B3GALT1: variants seen among roughly 807,000 people sequenced by gnomAD.
B3GALT1 encodes UDP-Gal:betaGlcNAc beta 1,3-galactosyltransferase, polypeptide 1.
B3GALT1 carries 10 observed loss-of-function variants against 23.2 expected under a neutral mutation model. The observed-to-expected ratio is 0.43, with a 90% CI of 0.27 to 0.73. The LOEUF (loss-of-function observed/expected upper bound fraction) is 0.73, where lower values mean the gene tolerates loss of function less well. Among genes scored for constraint, B3GALT1 ranks in the 30% least tolerant of loss-of-function variants. B3GALT1 has a pLI of 0.21. For missense variants in B3GALT1, 299 were observed against 405.4 expected, an observed-to-expected ratio of 0.74 and a Z score of 2.25; for synonymous variants, 156 against 141.5, an observed-to-expected ratio of 1.10 and a Z score of -0.73.
chr2:167,417,975 G>A (rs779460033), intron 1 of B3GALT1, among the ~76,000 whole-genome samples: 3 of 152,138 alleles, frequency 2.0e-5, no homozygotes, highest in African/African-American at 4.8e-5. Context: ...TGTTTACTGC[G>A]TTGCAAAAGT....
chr2:167,866,144 T>G (rs1690213019), intron 4 of B3GALT1, among the ~76,000 whole-genome samples: 1 of 152,194 alleles, frequency 6.6e-6, no homozygotes, highest in Non-Finnish European at 1.5e-5. Flanking sequence ...TGGTTCCCCT[T>G]TAGTGAACTT....
intron 3 of B3GALT1, among the ~76,000 whole-genome samples, chr2:167,735,802 T>C (rs1388307600): frequency 1.3e-5 from 2 of 152,192 alleles, no homozygotes; most frequent in South Asian, 2.1e-4. Flanking sequence ...TTTTAAAAGA[T>C]AGAAAAATAG....
At chr2:167,771,043 G>C (rs950171768) in intron 3 of B3GALT1, among the ~76,000 whole-genome samples, 10 of 152,164 alleles carry the variant, frequency 6.6e-5, no homozygotes, top group Non-Finnish European at 1.5e-4. Flanking sequence ...CTTTTAGTCA[G>C]CTGTATATTC....
At chr2:167,453,696 C>G (rs1699123759) in intron 1 of B3GALT1, among the ~76,000 whole-genome samples, 1 of 152,178 alleles carries the variant, frequency 6.6e-6, no homozygotes, top group Non-Finnish European at 1.5e-5. Flanking sequence ...TTAAGGGACT[C>G]TATTTTAAGA....
intron 3 of B3GALT1, among the ~76,000 whole-genome samples, chr2:167,761,413 G>A (rs1411025999): frequency 2.6e-5 from 4 of 152,164 alleles, no homozygotes; most frequent in African/African-American, 9.7e-5. Flanking sequence ...TAGGGAGCAT[G>A]CATTCCAGCT....
intron 4 of B3GALT1, among the ~76,000 whole-genome samples, chr2:167,830,375 TA>T (rs59253266): frequency 0.14 from 19,527 of 141,694 alleles, 1,283 homozygotes; most frequent in Middle Eastern, 0.22. Flanking sequence ...CGTTCATACT[TA>T]AAAAAAAAAA....
At chr2:167,563,566 GC>G (rs1323731554) in intron 2 of B3GALT1, among the ~76,000 whole-genome samples, 1 of 60 alleles carries the variant, frequency 0.017, no homozygotes, top group Non-Finnish European at 0.024. Context: ...CCCGGATGGG[GC>G]GGGCTGGCCG....
intron 1 of B3GALT1, among the ~76,000 whole-genome samples, chr2:167,295,834 T>A (rs1160259044): frequency 6.6e-6 from 1 of 151,994 alleles, no homozygotes; most frequent in East Asian, 1.9e-4. Context: ...AATCTTTTTT[T>A]AGATAATTTT....
At chr2:167,296,085 C>G (rs926793864) in intron 1 of B3GALT1, among the ~76,000 whole-genome samples, 7 of 152,032 alleles carry the variant, frequency 4.6e-5, no homozygotes, top group Non-Finnish European at 1.0e-4. Flanking sequence ...TCAGGGCAGC[C>G]CATGAGCTTA....
intron 1 of B3GALT1, among the ~76,000 whole-genome samples, chr2:167,362,487 C>T (rs986921122): frequency 2.0e-5 from 3 of 151,970 alleles, no homozygotes; most frequent in African/African-American, 7.3e-5. Flanking sequence ...AGCATTTTTC[C>T]GAAGTATGAG....
intron 3 of B3GALT1, among the ~76,000 whole-genome samples, chr2:167,699,958 C>T (rs1574220084): frequency 6.6e-6 from 1 of 152,184 alleles, no homozygotes; most frequent in Admixed American, 6.5e-5. Context: ...GGTGATTAAC[C>T]CACCTCGGCC....
intron 2 of B3GALT1, among the ~76,000 whole-genome samples, chr2:167,522,498 A>T (rs376023556): frequency 1.3e-5 from 2 of 152,262 alleles, no homozygotes; most frequent in East Asian, 3.9e-4. Flanking sequence ...TCTCTTGCCA[A>T]TATCCGAGAT....
intron 2 of B3GALT1, among the ~76,000 whole-genome samples, chr2:167,515,261 C>T (rs2105357539): frequency 6.6e-6 from 1 of 152,228 alleles, no homozygotes; most frequent in South Asian, 2.1e-4. Context: ...ATATAGATTT[C>T]AGCTAGAGAC....
At chr2:167,466,099 C>T (rs1167801146) in intron 1 of B3GALT1, among the ~76,000 whole-genome samples, 1 of 152,036 alleles carries the variant, frequency 6.6e-6, no homozygotes, top group Admixed American at 6.6e-5. Flanking sequence ...CAACCTCATG[C>T]CTTATAGTTG....
intron 1 of B3GALT1, among the ~76,000 whole-genome samples, chr2:167,399,424 CA>C (rs1698151283): frequency 6.6e-6 from 1 of 151,994 alleles, no homozygotes; most frequent in African/African-American, 2.4e-5. Flanking sequence ...AATGTAATAA[CA>C]CCTGTGTCAC....
At chr2:167,595,349 G>A (rs1684758196) in intron 2 of B3GALT1, among the ~76,000 whole-genome samples, 1 of 152,156 alleles carries the variant, frequency 6.6e-6, no homozygotes, top group Admixed American at 6.5e-5. Flanking sequence ...ATCATGTGCT[G>A]TCTCATTAAT....
At chr2:167,297,532 A>G (rs1696370712) in intron 1 of B3GALT1, among the ~76,000 whole-genome samples, 1 of 152,176 alleles carries the variant, frequency 6.6e-6, no homozygotes, top group Non-Finnish European at 1.5e-5. Flanking sequence ...TTTAATTAAA[A>G]ATAGATTTGC....
intron 2 of B3GALT1, among the ~76,000 whole-genome samples, chr2:167,505,020 T>C (rs943035502): frequency 6.6e-6 from 1 of 151,516 alleles, no homozygotes; most frequent in East Asian, 2.0e-4. Context: ...TGTATTGATA[T>C]AGAGAGATCT....
At chr2:167,406,400 G>A (rs1035203436) in intron 1 of B3GALT1, among the ~76,000 whole-genome samples, 1 of 152,060 alleles carries the variant, frequency 6.6e-6, no homozygotes, top group Non-Finnish European at 1.5e-5. Flanking sequence ...TCAAATATGG[G>A]ATGAAACAAT....
Sources: allele counts gnomAD v4.1 joint callset (sites outside exome capture counted in the v4.1 genomes callset), GRCh38; gene constraint gnomAD v4.1.1; transcripts MANE v1.5; gene names NCBI Gene and HGNC (gene_info 2026-07-23, HGNC 2026-07-21).